The following F9 variants were observed in gnomAD, a reference collection of about 807,000 sequenced individuals.
F9 encodes the protein coagulation factor IX.
Under a neutral mutation model 34.1 loss-of-function variants are expected in F9, and 2 were observed. That is an observed-to-expected ratio of 0.06 (90% CI 0.02 to 0.18). The LOEUF (loss-of-function observed/expected upper bound fraction) is 0.18. Among genes scored for constraint, F9 ranks in the 10% least tolerant of loss-of-function variants. The pLI is 1.00. For missense variants in F9, 216 were observed against 345.1 expected, an observed-to-expected ratio of 0.63 and a Z score of 2.96; for synonymous variants, 137 against 118.8, an observed-to-expected ratio of 1.15 and a Z score of -1.00.
At chrX:139,559,008 G>A (rs903343909) in intron 6 of F9, among the ~76,000 whole-genome samples, 3 of 111,520 alleles carry the variant, frequency 2.7e-5, no homozygotes, top group Non-Finnish European at 3.8e-5. Context: ...GATCTCAGGG[G>A]AGTTAATGTT....
In F9 at chrX:139,562,099, A is replaced by G. The variant is rs1305781723; in HGVS notation, c.*28A>G. ...AAAGATGGATTTCCAAGGTTAATTC[A>G]TTGGAATTGAAAATTAACAGGGCCT... On this transcript the variant is annotated 3_prime_UTR_variant, in exon 8 of 8. Transcript: ENST00000218099. The G allele has an allele frequency of 8.5e-7, 1 of 1,174,011 alleles. No individual in the cohort carries two copies. Among genetic ancestry groups the G allele is most frequent in the South Asian group, 1.8e-5 (1 of 55,819 alleles).
At chrX:139,539,455 G>C (rs772442974) in intron 3 of F9, among the ~76,000 whole-genome samples, 1 of 112,258 alleles carries the variant, frequency 8.9e-6, no homozygotes, top group South Asian at 3.7e-4. Context: ...CACTTGGTAA[G>C]ATCTTGTCTC....
At position 139,548,345 on chromosome X, in the gene F9, C is replaced by A; in HGVS notation, c.392-18C>A. 1 of 1,207,308 alleles carries A rather than the reference C, an allele frequency of 8.3e-7. No homozygotes were observed. The highest frequency in any genetic ancestry group is 1.1e-6 in the Non-Finnish European group (1 of 892,105). ...GCATGTTAAATGATGCTGTTACTGT[C>A]TATTTTGCTTCTTTTAGATGTAACA... On this transcript the variant is annotated intron_variant, in intron 4 of 7. Transcript: ENST00000218099.
chrX:139,546,845 A>G (rs1235745678), intron 4 of F9, among the ~76,000 whole-genome samples: 1 of 112,278 alleles, frequency 8.9e-6, no homozygotes, highest in Non-Finnish European at 1.9e-5. Flanking sequence ...AATGTTTATC[A>G]ATTAAAGGAT....
At chrX:139,544,118 C>A (rs775534036) in intron 4 of F9, among the ~76,000 whole-genome samples, 90 of 112,013 alleles carry the variant, frequency 8.0e-4, no homozygotes, top group Non-Finnish European at 1.4e-3. Context: ...TAGCCAATGA[C>A]ACAGAATCAC....
Position 139,561,651 on chromosome X carries a change from C to G in F9, c.966C>G (p.Asp322Glu). ...YNHDIALLEL[D>E]EPLVLNSYVT... Reference sequence around the variant, plus strand: ...ATGACATTGCCCTTCTGGAACTGGACGAACCCTTAGTGCTAAACAGCTACG... The same window carrying G: ...ATGACATTGCCCTTCTGGAACTGGAGGAACCCTTAGTGCTAAACAGCTACG... The change falls in exon 8 of 8, where the codon GAC (aspartate) becomes GAG (glutamate). Residue 322 changes from aspartate to glutamate, a missense_variant. Physicochemically the swap from Asp to Glu is conservative, Grantham distance 45. Coordinates refer to ENST00000218099, the MANE Select transcript of F9 (RefSeq NM_000133.4). The G allele has an allele frequency of 8.3e-7, 1 of 1,211,639 alleles. No individual in the cohort carries two copies.
At chrX:139,552,679 A>G (rs1396548270) in intron 6 of F9, among the ~76,000 whole-genome samples, 1 of 112,646 alleles carries the variant, frequency 8.9e-6, no homozygotes, top group Non-Finnish European at 1.9e-5. Flanking sequence ...TGGAGAGTGC[A>G]AGCGGAGATA....
intron 1 of F9, among the ~76,000 whole-genome samples, chrX:139,536,400 A>G (rs1420636170): frequency 9.1e-6 from 1 of 109,893 alleles, no homozygotes. Context: ...GACTAGGTAG[A>G]TGTAGCTTAA....
At chrX:139,543,979 T>C (rs759964170) in intron 4 of F9, among the ~76,000 whole-genome samples, 143 of 111,930 alleles carry the variant, frequency 1.3e-3, no homozygotes, top group African/African-American at 4.3e-3. Flanking sequence ...GGCAAAAGAT[T>C]GCTGATTAGG....
chrX:139,551,747 T>C (rs895240491), intron 6 of F9, among the ~76,000 whole-genome samples: 1 of 111,473 alleles, frequency 9.0e-6, no homozygotes, highest in Non-Finnish European at 1.9e-5. Flanking sequence ...ACCACTATAG[T>C]TCTCGTGGTA....
At chrX:139,531,042 C>G (rs1395034713) in intron 1 of F9, among the ~76,000 whole-genome samples, 190 bp downstream of exon 1, 6 of 111,696 alleles carry the variant, frequency 5.4e-5, no homozygotes, top group Non-Finnish European at 9.4e-5. Flanking sequence ...ATTTTTAAAA[C>G]TAAATAGATC....
chrX:139,533,254 T>C (rs991456094), intron 1 of F9, among the ~76,000 whole-genome samples: 1 of 112,403 alleles, frequency 8.9e-6, no homozygotes, highest in African/African-American at 3.2e-5. Flanking sequence ...CAGAATAATG[T>C]CTAAGAGAAC....
intron 3 of F9, among the ~76,000 whole-genome samples, chrX:139,539,720 A>G (rs1198062445): frequency 8.9e-6 from 1 of 112,634 alleles, no homozygotes; most frequent in Non-Finnish European, 1.9e-5. Flanking sequence ...CATCAATAGT[A>G]ACAAACCAGA....
At chrX:139,536,239 GTA>G (rs199862336) in intron 1 of F9, among the ~76,000 whole-genome samples, 4 of 90,630 alleles carry the variant, frequency 4.4e-5, no homozygotes, top group African/African-American at 1.2e-4. Flanking sequence ...ACACATATAT[GTA>G]TATATATGTA....
In F9 at chrX:139,558,886, G is replaced by A. The variant is rs992851269; in HGVS notation, c.724-1855G>A. ...GATCTGCATTTTATAAGGATCCCCAGATGATTCTACTGCAATTGGTCCACA... is the reference window on the plus strand; with the variant it reads ...GATCTGCATTTTATAAGGATCCCCAAATGATTCTACTGCAATTGGTCCACA... On this transcript the variant is annotated intron_variant, in intron 6 of 7. Transcript: ENST00000218099. 8.0e-5 allele frequency among the ~76,000 whole-genome samples: 9 copies of A among 111,808 alleles called. No individual in the cohort carries two copies. In the Admixed American group the frequency reaches 8.5e-4, roughly 11 times the overall value.
chrX:139,560,893 T>C, intron 7 of F9, 38 bp downstream of exon 7: 1 of 954,787 alleles, frequency 1.0e-6, no homozygotes, highest in Non-Finnish European at 1.5e-6. Flanking sequence ...GCAGCACCAC[T>C]AGCTCTTTAA....
In F9 at chrX:139,561,623, A is replaced by G. The variant is rs768416668; in HGVS notation, c.938A>G (p.Asn313Ser). The change falls in exon 8 of 8, where the codon AAC becomes AGC. Residue 313 changes from asparagine to serine, a missense_variant. By Grantham distance (46) the Asn-to-Ser change is conservative. Coordinates refer to ENST00000218099, the MANE Select transcript of F9 (RefSeq NM_000133.4). ...TACAATGCAGCTATTAATAAGTACAACCATGACATTGCCCTTCTGGAACTG... is the reference window on the plus strand; with the variant it reads ...TACAATGCAGCTATTAATAAGTACAGCCATGACATTGCCCTTCTGGAACTG... ...HNYNAAINKY[N>S]HDIALLELDE... The G allele has an allele frequency of 8.3e-7, 1 of 1,211,357 alleles. No homozygotes were observed. The highest frequency in any genetic ancestry group is 1.8e-5 in the South Asian group (1 of 56,865).
At chrX:139,548,840 G>A (rs889043295) in intron 5 of F9, among the ~76,000 whole-genome samples, 15 of 111,899 alleles carry the variant, frequency 1.3e-4, no homozygotes, top group South Asian at 7.5e-4. Context: ...ACAAATAATT[G>A]AGTGATAGGC....
At chrX:139,537,238 C>T (rs776951656) in intron 2 of F9, 65 bp downstream of exon 2, 687 of 1,150,786 alleles carry the variant, frequency 6.0e-4, no homozygotes, top group Non-Finnish European at 7.6e-4. Flanking sequence ...TAAAAAGACA[C>T]TTCTCTTTAA....
Sources: allele counts gnomAD v4.1 joint callset (sites outside exome capture counted in the v4.1 genomes callset), GRCh38; gene constraint gnomAD v4.1.1; transcripts MANE v1.5; gene names NCBI Gene and HGNC (gene_info 2026-07-23, HGNC 2026-07-21).